CHSY3: variants seen among roughly 807,000 people sequenced by gnomAD.
CHSY3 encodes N-acetylgalactosaminyl-proteoglycan 3-beta-glucuronosyltransferase 3.
Under a neutral mutation model 67.2 loss-of-function variants are expected in CHSY3, and 35 were observed. The observed-to-expected ratio is 0.52, with a 90% CI of 0.40 to 0.69. CHSY3 has a LOEUF of 0.69. Among genes scored for constraint, CHSY3 ranks in the 30% least tolerant of loss-of-function variants. The pLI, the probability that CHSY3 is intolerant of heterozygous loss-of-function variation, is 0.00. For synonymous variants in CHSY3, 474 were observed against 434.7 expected, an observed-to-expected ratio of 1.09 and a Z score of -1.12; for missense variants, 1,069 against 1,138.5, an observed-to-expected ratio of 0.94 and a Z score of 0.88.
At chr5:129,987,261 T>C (rs1763232580) in intron 2 of CHSY3, among the ~76,000 whole-genome samples, 1 of 152,178 alleles carries the variant, frequency 6.6e-6, no homozygotes, top group Admixed American at 6.5e-5. Flanking sequence ...ATGGAGAAGA[T>C]TAAATGTTAT....
Position 130,014,052 on chromosome 5 carries a change from A to G in CHSY3, c.1086+105692A>G, listed in dbSNP as rs1012417525. Among the ~76,000 whole-genome samples, 6 of 152,202 alleles carry G rather than the reference A, an allele frequency of 3.9e-5. No homozygotes were observed. In the South Asian group the frequency reaches 1.2e-3, roughly 31 times the overall value. ...ATGCCACCAGTCTCTTTGCTAAAGCATAGCGAGAGTCACCTTTGCTCCATT... is the reference window on the plus strand; with the variant it reads ...ATGCCACCAGTCTCTTTGCTAAAGCGTAGCGAGAGTCACCTTTGCTCCATT... On this transcript the variant is annotated intron_variant, in intron 2 of 2. Coordinates refer to ENST00000305031, the MANE Select transcript of CHSY3 (RefSeq NM_175856.5).
At chr5:130,104,837 AGTT>A (rs1329782144) in intron 2 of CHSY3, among the ~76,000 whole-genome samples, 3 of 151,870 alleles carry the variant, frequency 2.0e-5, no homozygotes, top group African/African-American at 7.2e-5. Flanking sequence ...AATATCATGC[AGTT>A]TATATGACTA....
rs560428321 is a variant in CHSY3, at chr5:129,939,253, T to G, written c.1086+30893T>G. 9.9e-5 allele frequency among the ~76,000 whole-genome samples: 15 copies of G among 152,222 alleles called. No individual in the cohort carries two copies. In the South Asian group the frequency reaches 3.1e-3, roughly 32 times the overall value. ...GAAGTCTGTCTCCCCAACCCCCGAT[T>G]CAGTCACCTCCTACCAGGCCCCTCC... is the stretch of plus-strand genomic sequence containing the variant. On this transcript the variant is annotated intron_variant, in intron 2 of 2. Transcript: ENST00000305031.
chr5:130,042,898 C>T (rs753323244), intron 2 of CHSY3, among the ~76,000 whole-genome samples: 5 of 152,048 alleles, frequency 3.3e-5, no homozygotes, highest in African/African-American at 7.2e-5. Context: ...GTTTTATTTT[C>T]GAGTTCTTCA....
chr5:130,090,311 T>A (rs1447819983), intron 2 of CHSY3, among the ~76,000 whole-genome samples: 1 of 152,110 alleles, frequency 6.6e-6, no homozygotes, highest in Non-Finnish European at 1.5e-5. Context: ...CCTTGTGAGG[T>A]ATGGAGAGCC....
chr5:130,080,274 C>G (rs1469223242), intron 2 of CHSY3, among the ~76,000 whole-genome samples: 2 of 152,008 alleles, frequency 1.3e-5, no homozygotes, highest in Non-Finnish European at 2.9e-5. Flanking sequence ...CTCTGTGTGA[C>G]CATGGCTTCT....
intron 2 of CHSY3, among the ~76,000 whole-genome samples, chr5:130,076,519 A>G (rs2149684395): frequency 6.6e-6 from 1 of 151,978 alleles, no homozygotes; most frequent in Admixed American, 6.6e-5. Context: ...TTGTGTATCA[A>G]TGACCTAACA....
rs1760165989 is a variant in CHSY3 at position 129,904,729 on chromosome 5, C to T, written c.-101C>T. 4.9e-6 allele frequency: 6 copies of T among 1,228,786 alleles called. No individual in the cohort carries two copies. The South Asian group carries it at 2.0e-4, about 41-fold the overall frequency. The allele number at this position is 1,228,786 out of a possible 1,614,324, so 76.1% of individuals were successfully genotyped here. The stretch of plus-strand genomic sequence containing the variant: ...GCGCCTAGGCGGCCGGCTGCGGCCG[C>T]GGCTGGGGGCGCAAAGGCGGAGGAG... On this transcript the variant is annotated 5_prime_UTR_variant, in exon 1 of 3. Transcript: ENST00000305031.
At chr5:129,920,656 C>A (rs1760891557) in intron 2 of CHSY3, among the ~76,000 whole-genome samples, 1 of 152,148 alleles carries the variant, frequency 6.6e-6, no homozygotes, top group Non-Finnish European at 1.5e-5. Context: ...AAATTTAACG[C>A]CCTTCTGTTA....
intron 2 of CHSY3, among the ~76,000 whole-genome samples, chr5:130,109,427 A>G (rs1271469212): frequency 6.6e-6 from 1 of 151,722 alleles, no homozygotes; most frequent in African/African-American, 2.4e-5. Context: ...ATACCTTGGT[A>G]GGTTAGAAAG....
At chr5:130,126,182 C>G (rs137896710) in intron 2 of CHSY3, among the ~76,000 whole-genome samples, 2 of 151,744 alleles carry the variant, frequency 1.3e-5, no homozygotes, top group African/African-American at 2.4e-5. Flanking sequence ...AACACATGGT[C>G]GGTACTTGAT....
At chr5:130,077,610 T>C (rs1766310467) in intron 2 of CHSY3, among the ~76,000 whole-genome samples, 1 of 152,128 alleles carries the variant, frequency 6.6e-6, no homozygotes, top group Non-Finnish European at 1.5e-5. Context: ...AAGTTATTTC[T>C]CAATGCATAT....
intron 2 of CHSY3, among the ~76,000 whole-genome samples, chr5:130,000,481 A>G (rs1262214464): frequency 4.6e-5 from 7 of 152,092 alleles, no homozygotes; most frequent in Non-Finnish European, 1.5e-5. Context: ...CATACATACT[A>G]TGTCTCTTGC....
In CHSY3 at chr5:130,184,785, A is replaced by G; in HGVS notation, c.1643A>G (p.His548Arg). ...ILDLLLLYKR[H>R]KGRKLTVPVR... Reference sequence around the variant, plus strand: ...GATTTACTCCTTTTATACAAAAGACACAAGGGAAGGAAACTGACTGTGCCA... The same window carrying G: ...GATTTACTCCTTTTATACAAAAGACGCAAGGGAAGGAAACTGACTGTGCCA... Residue 548 changes from histidine (H) to arginine (R), a missense_variant, in exon 3 of 3, where the codon CAC becomes CGC. His to Arg is a conservative substitution (Grantham distance 29). Transcript: ENST00000305031. 6.2e-7 allele frequency: 1 copy of G among 1,606,770 alleles called. No individual in the cohort carries two copies. Among genetic ancestry groups the G allele is most frequent in the South Asian group, 1.1e-5 (1 of 90,928 alleles).
At chr5:129,936,230 T>TA (rs1317723967) in intron 2 of CHSY3, among the ~76,000 whole-genome samples, 1 of 152,188 alleles carries the variant, frequency 6.6e-6, no homozygotes, top group Non-Finnish European at 1.5e-5. Context: ...TCCTATAAAA[T>TA]AAAGGCCAAG....
At chr5:129,946,716 T>C (rs1207957685) in intron 2 of CHSY3, among the ~76,000 whole-genome samples, 1 of 152,206 alleles carries the variant, frequency 6.6e-6, no homozygotes, top group Non-Finnish European at 1.5e-5. Context: ...TCTCTTAGCA[T>C]AATGTCCTCC....
At chr5:130,105,163 A>T (rs2149700811) in intron 2 of CHSY3, among the ~76,000 whole-genome samples, 1 of 151,796 alleles carries the variant, frequency 6.6e-6, no homozygotes, top group African/African-American at 2.4e-5. Context: ...ACCTTTCAGC[A>T]ATACAGCCCT....
intron 2 of CHSY3, among the ~76,000 whole-genome samples, chr5:129,960,483 A>G (rs1762299014): frequency 2.0e-5 from 3 of 152,080 alleles, no homozygotes; most frequent in Admixed American, 2.0e-4. Flanking sequence ...TATCATTTAA[A>G]AAAGACAACT....
chr5:130,148,761 T>C (rs1769148591), intron 2 of CHSY3, among the ~76,000 whole-genome samples: 1 of 152,218 alleles, frequency 6.6e-6, no homozygotes, highest in Non-Finnish European at 1.5e-5. Context: ...TTTTTTATTG[T>C]AAATTTGTTT....
Sources: allele counts gnomAD v4.1 joint callset (sites outside exome capture counted in the v4.1 genomes callset), GRCh38; gene constraint gnomAD v4.1.1; transcripts MANE v1.5; gene names NCBI Gene and HGNC (gene_info 2026-07-23, HGNC 2026-07-21).